Variants in CPA6 observed in about 807,000 individuals in gnomAD.
The protein encoded by CPA6 is carboxypeptidase B.
Under a neutral mutation model 63.3 loss-of-function variants are expected in CPA6, and 58 were observed. The observed-to-expected ratio is 0.92, with a 90% confidence interval of 0.74 to 1.14. The LOEUF (loss-of-function observed/expected upper bound fraction) is 1.14, where lower values mean the gene tolerates loss of function less well. Among genes scored for constraint, CPA6 ranks in the 50% most tolerant of loss-of-function variants. The pLI is 0.00. For synonymous variants in CPA6, 185 were observed against 179.0 expected (o/e 1.03, Z -0.27); for missense variants, 565 against 526.6 (o/e 1.07, Z -0.71).
intron 1 of CPA6, among the ~76,000 whole-genome samples, chr8:67,641,052 G>A (rs1003405545): frequency 5.3e-5 from 8 of 151,666 alleles, no homozygotes; most frequent in Non-Finnish European, 1.0e-4. Context: ...GGGACCCACC[G>A]CTGCCACTGC....
chr8:67,725,047 G>T (rs1817571901), intron 1 of CPA6, among the ~76,000 whole-genome samples: 1 of 152,200 alleles, frequency 6.6e-6, no homozygotes, highest in South Asian at 2.1e-4. Flanking sequence ...GGCTACCTGG[G>T]CTAGAGTGGA....
chr8:67,697,687 A>G (rs187283536), intron 1 of CPA6, among the ~76,000 whole-genome samples: 2 of 152,336 alleles, frequency 1.3e-5, no homozygotes, highest in African/African-American at 2.4e-5. Flanking sequence ...AAAAATAAAT[A>G]GAAATCTTTC....
At chr8:67,664,841 T>C (rs1232444568) in intron 1 of CPA6, among the ~76,000 whole-genome samples, 1 of 152,158 alleles carries the variant, frequency 6.6e-6, no homozygotes, top group Non-Finnish European at 1.5e-5. Context: ...ATTACTCTGG[T>C]TGTACTTGGG....
rs531058790 is a variant in CPA6 at position 67,698,292 on chromosome 8, A to T, written c.116+47722T>A. Among the ~76,000 whole-genome samples the T allele has an allele frequency of 2.6e-5, 4 of 152,302 alleles. No individual in the cohort carries two copies. In the South Asian group the frequency reaches 8.3e-4, roughly 32 times the overall value. On this transcript the variant is annotated intron_variant, in intron 1 of 10. Transcript: ENST00000297770. ...TTCGAGGGCTCTCACACCAGAAATG[A>T]TGATTTCATAGGGCAAGGGTAGGGC...
intron 1 of CPA6, among the ~76,000 whole-genome samples, chr8:67,629,823 C>T (rs1003608727): frequency 2.0e-4 from 31 of 151,988 alleles, no homozygotes; most frequent in Non-Finnish European, 4.3e-4. Flanking sequence ...TTATTCATTC[C>T]TGGCTGGGCG....
Position 67,509,609 on chromosome 8 carries a change from A to G in CPA6, c.442T>C (p.Trp148Arg), listed in dbSNP as rs771067681. The change falls in exon 5 of 11, where the codon TGG (tryptophan) becomes CGG (arginine). Residue 148 changes from tryptophan (W) to arginine (R), a missense_variant. Trp to Arg is a moderately radical substitution (Grantham distance 101). Transcript: ENST00000297770. ...VYHSLEEIQN[W>R]MHHLNKTHSG... is the part of the protein sequence containing the mutation. ...TGAGTTTTATTCAGATGATGCATCC[A>G]ATTTTGAATCTAAGAGCAAATAAAT... is the stretch of plus-strand genomic sequence containing the variant. 50 of 1,562,308 alleles carry G rather than the reference A, an allele frequency of 3.2e-5. No homozygotes were observed. Among genetic ancestry groups the G allele is most frequent in the South Asian group, 2.5e-4 (22 of 86,948 alleles).
intron 2 of CPA6, among the ~76,000 whole-genome samples, chr8:67,582,874 A>G (rs936350253): frequency 1.3e-5 from 2 of 152,156 alleles, no homozygotes; most frequent in African/African-American, 4.8e-5. Context: ...AGGGCTAATT[A>G]TCAGTGGTGC....
chr8:67,472,351 T>C (rs1811077174), intron 8 of CPA6, among the ~76,000 whole-genome samples: 1 of 150,208 alleles, frequency 6.7e-6, no homozygotes. Flanking sequence ...CTTTGAAAAC[T>C]AAGTTATTTG....
chr8:67,493,365 C>A (rs948452582), intron 6 of CPA6, among the ~76,000 whole-genome samples: 1 of 152,156 alleles, frequency 6.6e-6, no homozygotes, highest in Non-Finnish European at 1.5e-5. Flanking sequence ...CCCTGGAGAG[C>A]TTTTGGATCC....
rs142498336 is a variant in CPA6, at chr8:67,655,397, A to G, written c.117-31146T>C. Among the ~76,000 whole-genome samples the G allele has an allele frequency of 2.9e-4, 44 of 152,250 alleles. 1 individual carries two copies. Among genetic ancestry groups the G allele is most frequent in the African/African-American group, 7.9e-4 (33 of 41,568 alleles). ...CTCTAATGAGCTGGGGAGAGAGAAT[A>G]CCTACTGTGACGTACAAAACTTAGG... On this transcript the variant is annotated intron_variant, in intron 1 of 10. Transcript: ENST00000297770.
At chr8:67,494,260 C>T (rs1380797760) in intron 6 of CPA6, among the ~76,000 whole-genome samples, 1 of 151,918 alleles carries the variant, frequency 6.6e-6, no homozygotes, top group East Asian at 1.9e-4. Context: ...TCATTAAATA[C>T]TATACTAAAA....
chr8:67,592,374 T>G (rs1814154475), intron 2 of CPA6, among the ~76,000 whole-genome samples: 2 of 152,308 alleles, frequency 1.3e-5, no homozygotes, highest in African/African-American at 4.8e-5. Context: ...TCTGCCACAC[T>G]TTGGTATCAG....
At chr8:67,561,928 A>G (rs1050441875) in intron 2 of CPA6, among the ~76,000 whole-genome samples, 1 of 152,226 alleles carries the variant, frequency 6.6e-6, no homozygotes, top group Admixed American at 6.5e-5. Flanking sequence ...CTGCTTCTAT[A>G]TAATGAAAGA....
chr8:67,606,017 C>T (rs146129228), intron 2 of CPA6, among the ~76,000 whole-genome samples: 3 of 151,906 alleles, frequency 2.0e-5, no homozygotes, highest in East Asian at 1.9e-4. Context: ...GGAATATGGG[C>T]CCAGAAGAAT....
At chr8:67,692,276 C>T (rs56407411) in intron 1 of CPA6, among the ~76,000 whole-genome samples, 1,551 of 137,746 alleles carry the variant, frequency 0.011, 20 homozygotes, top group South Asian at 0.035. Flanking sequence ...GCAGAGGTTG[C>T]GGTGAGCCGA....
At chr8:67,593,538 C>T (rs1335028437) in intron 2 of CPA6, among the ~76,000 whole-genome samples, 1 of 152,156 alleles carries the variant, frequency 6.6e-6, no homozygotes, top group African/African-American at 2.4e-5. Context: ...TTGTAGGTCA[C>T]TGAGGACTTA....
At chr8:67,626,133 C>G (rs973381000) in intron 1 of CPA6, among the ~76,000 whole-genome samples, 5 of 152,124 alleles carry the variant, frequency 3.3e-5, no homozygotes, top group Admixed American at 1.3e-4. Flanking sequence ...TTCTGTTAAG[C>G]CTGTGGAACT....
chr8:67,460,871 A>G (rs1016066295), intron 8 of CPA6, among the ~76,000 whole-genome samples: 2 of 152,112 alleles, frequency 1.3e-5, no homozygotes, highest in Non-Finnish European at 2.9e-5. Context: ...CTAGCGAAGT[A>G]CCAGGAGAGA....
At chr8:67,676,673 C>A (rs1408152220) in intron 1 of CPA6, among the ~76,000 whole-genome samples, 2 of 152,148 alleles carry the variant, frequency 1.3e-5, no homozygotes, top group Admixed American at 1.3e-4. Flanking sequence ...CTTTTACATG[C>A]CTAGTGGACA....
Sources: allele counts gnomAD v4.1 joint callset (sites outside exome capture counted in the v4.1 genomes callset), GRCh38; gene constraint gnomAD v4.1.1; transcripts MANE v1.5; gene names NCBI Gene and HGNC (gene_info 2026-07-23, HGNC 2026-07-21).